Variants in CPLANE1 observed in about 807,000 individuals in gnomAD.
CPLANE1 encodes ciliogenesis and planar polarity effector complex subunit 1.
In CPLANE1, 263 loss-of-function variants were observed where a neutral mutation model predicts 362.5. The observed-to-expected ratio is 0.73, with a 90% confidence interval of 0.66 to 0.80. The LOEUF (loss-of-function observed/expected upper bound fraction) is 0.80, where lower values mean the gene tolerates loss of function less well. CPLANE1 is among the 30% of genes least tolerant of loss of function. The pLI is 0.00. For synonymous variants in CPLANE1, 1,212 were observed against 1,302.6 expected (o/e 0.93, Z 1.50); for missense variants, 3,461 against 3,793.4 (o/e 0.91, Z 2.30).
chr5:37,148,327 A>G (rs1262752002), intron 42 of CPLANE1, 59 bp from the exon 43 acceptor site: 2 of 1,269,524 alleles, frequency 1.6e-6, no homozygotes, highest in African/African-American at 3.0e-5. Flanking sequence ...TCAAAATAAC[A>G]AACAGTTTTA....
chr5:37,162,967 A>T (rs1201926827), intron 37 of CPLANE1, among the ~76,000 whole-genome samples: 1 of 152,242 alleles, frequency 6.6e-6, no homozygotes, highest in Non-Finnish European at 1.5e-5. Context: ...GGCGTGGGCC[A>T]CCGTGTCCAG....
intron 1 of CPLANE1, among the ~76,000 whole-genome samples, chr5:37,249,005 G>A (rs562272341): frequency 3.5e-4 from 53 of 152,334 alleles, no homozygotes; most frequent in African/African-American, 1.3e-3. Context: ...CGGCCCCTTG[G>A]GGCTCCCGCG....
At chr5:37,239,072 G>T in intron 7 of CPLANE1, 112 bp from the exon 8 acceptor site, 2 of 489,836 alleles carry the variant, frequency 4.1e-6, no homozygotes, top group African/African-American at 2.0e-5. Context: ...TATCTAGGGA[G>T]TATTTCCTAA....
At position 37,224,545 on chromosome 5, in the gene CPLANE1, A is replaced by T; in HGVS notation, c.2487T>A (p.Leu829=). The change falls in exon 13 of 53, where the codon CTT becomes CTA. Residue 829 remains leucine, a synonymous_variant. Transcript: ENST00000651892. The part of the protein sequence containing the change: ...TGDCLNQTLE[L]KSINGEECFL... ...TAAGATACTGACCATTGATAGATTT[A>T]AGTTCTAAGGTTTGATTCAAGCAAT... The T allele has an allele frequency of 5.2e-6, 8 of 1,548,360 alleles. No individual in the cohort carries two copies. Among genetic ancestry groups the T allele is most frequent in the Non-Finnish European group, 7.0e-6 (8 of 1,144,178 alleles).
intron 1 of CPLANE1, among the ~76,000 whole-genome samples, 166 bp downstream of exon 1, chr5:37,249,079 G>A (rs373288514): frequency 6.6e-6 from 1 of 152,228 alleles, no homozygotes; most frequent in Non-Finnish European, 1.5e-5. Context: ...CCCGGACTGG[G>A]TAGTGGGGAT....
At chr5:37,227,945 T>C (rs1561671343) in intron 9 of CPLANE1, 128 bp from the exon 10 acceptor site, 4 of 816,468 alleles carry the variant, frequency 4.9e-6, no homozygotes, top group Non-Finnish European at 7.5e-6. Context: ...CACACAAAAA[T>C]ATTAAATGTG....
chr5:37,098,222 T>C, the CPLANE1 span, among the ~76,000 whole-genome samples: 1 of 151,392 alleles, frequency 6.6e-6, no homozygotes, highest in Non-Finnish European at 1.5e-5. Flanking sequence ...TGAAACCCCA[T>C]CTCTACTAAA....
intron 18 of CPLANE1, among the ~76,000 whole-genome samples, chr5:37,203,025 AG>A (rs1789660794): frequency 6.6e-6 from 1 of 151,954 alleles, no homozygotes; most frequent in Non-Finnish European, 1.5e-5. Flanking sequence ...AAATTGGTTT[AG>A]TAACTTTAAC....
At chr5:37,139,506 T>C in intron 44 of CPLANE1, 136 bp from the exon 45 acceptor site, 1 of 1,107,558 alleles carries the variant, frequency 9.0e-7, no homozygotes, top group Non-Finnish European at 1.2e-6. Context: ...AGATATATAT[T>C]TACAGCATAT....
chr5:37,113,665 G>C (rs1428534015), intron 51 of CPLANE1, among the ~76,000 whole-genome samples: 1 of 152,168 alleles, frequency 6.6e-6, no homozygotes. Flanking sequence ...CAATGGATTA[G>C]ACATAGGTAA....
Position 37,121,796 on chromosome 5 carries a change from GAATT to G in CPLANE1, c.9018-16_9018-13del, listed in dbSNP as rs748261423. On this transcript the variant is annotated splice_polypyrimidine_tract_variant and intron_variant, in intron 48 of 52. Transcript: ENST00000651892. ...CAGAGAGCAGCAATCTGTAGACAAAGAATTAAGCATCATTTATTAAGAGTCACTT... is the reference window on the plus strand; with the variant it reads ...CAGAGAGCAGCAATCTGTAGACAAAGAAGCATCATTTATTAAGAGTCACTT... 7 of 1,606,690 alleles carry G rather than the reference GAATT, an allele frequency of 4.4e-6. No individual in the cohort carries two copies. In the South Asian group the frequency reaches 5.5e-5, roughly 13 times the overall value.
At chr5:37,207,322 C>T (rs1367017498) in intron 16 of CPLANE1, among the ~76,000 whole-genome samples, 1 of 152,174 alleles carries the variant, frequency 6.6e-6, no homozygotes, top group Non-Finnish European at 1.5e-5. Flanking sequence ...AACATTTTAG[C>T]TCTCTGACAA....
At chr5:37,122,401 A>G in intron 48 of CPLANE1, 29 bp downstream of exon 48, 1 of 1,591,870 alleles carries the variant, frequency 6.3e-7, no homozygotes, top group Non-Finnish European at 8.6e-7. Flanking sequence ...GTTAGAGAGA[A>G]AACACAGGGT....
rs1792004758 is a variant in CPLANE1 at position 37,209,606 on chromosome 5, C to G, written c.2921-3181G>C. 8 of 1,431,348 alleles carry G rather than the reference C, an allele frequency of 5.6e-6. No homozygotes were observed. The highest frequency in any genetic ancestry group is 5.0e-5 in the Admixed American group (3 of 59,544). The allele number at this position is 1,431,348 out of a possible 1,614,324, so 88.7% of individuals were successfully genotyped here. ...CCTCTAACTCTTTAGTGGCAGATCA[C>G]TTACAAAGATGTGGCTGTGAATATT... On this transcript the variant is annotated intron_variant, in intron 16 of 52. Coordinates refer to ENST00000651892, the MANE Select transcript of CPLANE1 (RefSeq NM_001384732.1). This position sits in a 1 kb window ranked among gnomAD's most constrained non-coding sequence, Gnocchi z 4.6.
chr5:37,247,568 C>G, intron 2 of CPLANE1, 50 bp downstream of exon 2: 1 of 1,467,800 alleles, frequency 6.8e-7, no homozygotes, highest in Non-Finnish European at 9.2e-7. Context: ...AGGCAAAACA[C>G]ACATATAACA....
At chr5:37,242,827 G>T (rs1476831875) in intron 6 of CPLANE1, among the ~76,000 whole-genome samples, 186 bp downstream of exon 6, 2 of 150,084 alleles carry the variant, frequency 1.3e-5, no homozygotes, top group South Asian at 4.2e-4. Context: ...AGGAGTGCAA[G>T]AACTTGTCTG....
At chr5:37,099,243 A>G in the CPLANE1 span, among the ~76,000 whole-genome samples, 2 of 152,142 alleles carry the variant, frequency 1.3e-5, no homozygotes, top group Non-Finnish European at 2.9e-5. Context: ...CTAGATATTA[A>G]GCCCAGCATC....
chr5:37,208,771 C>T (rs1034249211), intron 16 of CPLANE1, among the ~76,000 whole-genome samples: 13 of 150,894 alleles, frequency 8.6e-5, no homozygotes, highest in East Asian at 2.0e-4. Flanking sequence ...CACTCAGTCA[C>T]GCTGTATTGC....
intron 31 of CPLANE1, among the ~76,000 whole-genome samples, chr5:37,175,505 C>T (rs755354591): frequency 2.0e-5 from 3 of 152,106 alleles, no homozygotes; most frequent in Non-Finnish European, 4.4e-5. Context: ...TTTCCTATTT[C>T]GGCAAGATTT....
Sources: gnomAD v4.1 joint callset for allele counts (sites outside exome capture counted in the v4.1 genomes callset) on GRCh38, gnomAD v4.1.1 for gene constraint, Gnocchi (gnomAD v3.1) non-coding constraint, MANE v1.5 for transcripts, NCBI Gene and HGNC (gene_info 2026-07-23, HGNC 2026-07-21) for gene names.